ANO3: variants seen among roughly 807,000 people sequenced by gnomAD.
ANO3 encodes the protein anoctamin 3.
A neutral mutation model predicts 144.8 loss-of-function variants in ANO3; 99 were observed. That is an observed-to-expected ratio of 0.68 (90% CI 0.58 to 0.81). The LOEUF (loss-of-function observed/expected upper bound fraction) is 0.81, where lower values mean the gene tolerates loss of function less well. Among genes scored for constraint, ANO3 ranks in the 30% least tolerant of loss-of-function variants. The pLI is 0.00. For missense variants in ANO3, 905 were observed against 1,202.2 expected, an observed-to-expected ratio of 0.75 and a Z score of 3.66; for synonymous variants, 414 against 392.6, an observed-to-expected ratio of 1.05 and a Z score of -0.64.
chr11:26,429,311 T>A (rs983043448), intron 1 of ANO3, among the ~76,000 whole-genome samples: 4 of 152,228 alleles, frequency 2.6e-5, no homozygotes, highest in African/African-American at 9.6e-5. Flanking sequence ...TCCTATGGTG[T>A]CTTTAGATGA....
chr11:26,229,904 G>T (rs970434587), intron 1 of ANO3, among the ~76,000 whole-genome samples: 1 of 152,102 alleles, frequency 6.6e-6, no homozygotes, highest in African/African-American at 2.4e-5. Context: ...GAAATTCCCT[G>T]TTCTTTTTCA....
At chr11:26,611,253 A>G (rs1001096765) in intron 17 of ANO3, among the ~76,000 whole-genome samples, 1 of 152,008 alleles carries the variant, frequency 6.6e-6, no homozygotes, top group South Asian at 2.1e-4. Context: ...ATTTATTTCT[A>G]TAAACTTCTC....
At chr11:26,568,926 A>G (rs1209641943) in intron 14 of ANO3, among the ~76,000 whole-genome samples, 1 of 152,060 alleles carries the variant, frequency 6.6e-6, no homozygotes, top group Non-Finnish European at 1.5e-5. Flanking sequence ...CACTATTTTC[A>G]GCATTATTAT....
intron 1 of ANO3, among the ~76,000 whole-genome samples, chr11:26,243,645 C>A (rs1852713441): frequency 6.6e-6 from 1 of 152,102 alleles, no homozygotes; most frequent in South Asian, 2.1e-4. Flanking sequence ...TAAATAGCCA[C>A]CAAAAATTTT....
intron 1 of ANO3, among the ~76,000 whole-genome samples, chr11:26,271,059 G>A (rs927150638): frequency 9.2e-5 from 14 of 152,208 alleles, no homozygotes; most frequent in African/African-American, 3.4e-4. Context: ...AGATCTTGGA[G>A]GGATGAATAT....
intron 14 of ANO3, among the ~76,000 whole-genome samples, chr11:26,577,476 T>C (rs934374086): frequency 6.0e-5 from 9 of 150,190 alleles, no homozygotes; most frequent in Non-Finnish European, 1.0e-4. Context: ...GGCAGGAGAA[T>C]GGCTTGAACC....
chr11:26,436,252 G>A (rs890955012), intron 1 of ANO3, among the ~76,000 whole-genome samples: 8 of 152,190 alleles, frequency 5.3e-5, no homozygotes, highest in Non-Finnish European at 8.8e-5. Context: ...GGCTAGTGCT[G>A]TGAGAGAGCA....
At chr11:26,396,177 CAT>C (rs1857009083) in intron 1 of ANO3, among the ~76,000 whole-genome samples, 1 of 152,148 alleles carries the variant, frequency 6.6e-6, no homozygotes, top group Non-Finnish European at 1.5e-5. Flanking sequence ...AGCCAACAAA[CAT>C]ATGAAAGAAA....
chr11:26,577,783 G>T (rs2132848947), intron 14 of ANO3, among the ~76,000 whole-genome samples: 1 of 152,298 alleles, frequency 6.6e-6, no homozygotes, highest in East Asian at 1.9e-4. Flanking sequence ...ATGACAAACT[G>T]AAACAAGAGC....
intron 4 of ANO3, among the ~76,000 whole-genome samples, chr11:26,485,531 C>A (rs1015220090): frequency 6.6e-6 from 1 of 152,192 alleles, no homozygotes; most frequent in African/African-American, 2.4e-5. Context: ...ACCTATTAAA[C>A]CTCTTTTCTT....
intron 14 of ANO3, among the ~76,000 whole-genome samples, chr11:26,566,178 AG>A (rs1415541778): frequency 6.6e-6 from 1 of 151,900 alleles, no homozygotes; most frequent in African/African-American, 2.4e-5. Context: ...GCTTGGGAAA[AG>A]GTGGAAGAAA....
intron 1 of ANO3, among the ~76,000 whole-genome samples, chr11:26,393,126 G>A (rs1363810306): frequency 6.6e-6 from 1 of 152,076 alleles, no homozygotes; most frequent in Non-Finnish European, 1.5e-5. Context: ...TGAAGCAACT[G>A]GATACACGTG....
chr11:26,282,941 C>G (rs1451706332), intron 1 of ANO3, among the ~76,000 whole-genome samples: 1 of 152,030 alleles, frequency 6.6e-6, no homozygotes, highest in Non-Finnish European at 1.5e-5. Flanking sequence ...CTGCCTATCA[C>G]AATTCTATAA....
At chr11:26,384,104 G>C (rs1049487058) in intron 1 of ANO3, among the ~76,000 whole-genome samples, 17 of 151,694 alleles carry the variant, frequency 1.1e-4, no homozygotes, top group African/African-American at 4.1e-4. Flanking sequence ...TGTTCACCAC[G>C]TTGGTCAGGC....
chr11:26,527,273 T>C (rs1849186879), intron 7 of ANO3, among the ~76,000 whole-genome samples: 1 of 152,158 alleles, frequency 6.6e-6, no homozygotes, highest in Non-Finnish European at 1.5e-5. Flanking sequence ...CACTATTATA[T>C]GTCATTACTT....
intron 17 of ANO3, among the ~76,000 whole-genome samples, chr11:26,604,580 A>G (rs1274245124): frequency 2.0e-5 from 3 of 151,968 alleles, no homozygotes; most frequent in Non-Finnish European, 4.4e-5. Flanking sequence ...ATGTCATCTC[A>G]TATTTCCTAG....
intron 1 of ANO3, among the ~76,000 whole-genome samples, chr11:26,324,383 A>C (rs1854834164): frequency 6.6e-6 from 1 of 152,134 alleles, no homozygotes; most frequent in Non-Finnish European, 1.5e-5. Flanking sequence ...TGCCAGATGT[A>C]CCCCAAAATA....
At chr11:26,560,917 A>G in intron 14 of ANO3, 1 of 740,874 alleles carries the variant, frequency 1.3e-6, no homozygotes. Context: ...CATCCTGTCT[A>G]CATTTCTGCT....
intron 1 of ANO3, among the ~76,000 whole-genome samples, chr11:26,297,686 T>G (rs1854125028): frequency 6.6e-6 from 1 of 152,240 alleles, no homozygotes; most frequent in South Asian, 2.1e-4. Flanking sequence ...CAATCATTCA[T>G]TCAGAGGGTT....
Sources: allele counts gnomAD v4.1 joint callset (sites outside exome capture counted in the v4.1 genomes callset), GRCh38; gene constraint gnomAD v4.1.1; transcripts MANE v1.5; gene names NCBI Gene and HGNC (gene_info 2026-07-23, HGNC 2026-07-21).